Variants in RSF1 observed in about 807,000 individuals in gnomAD.
RSF1 encodes remodeling and spacing factor 1, also known as HBV pX-associated protein 8.
RSF1 carries 13 observed loss-of-function variants against 145.2 expected under a neutral mutation model. The observed-to-expected ratio is 0.09, with a 90% CI of 0.06 to 0.14. The LOEUF (loss-of-function observed/expected upper bound fraction) is 0.14. RSF1 is among the 10% of genes least tolerant of loss of function. RSF1 has a pLI of 1.00. For synonymous variants in RSF1, 577 were observed against 592.6 expected (o/e 0.97, Z 0.38); for missense variants, 1,517 against 1,718.2 (o/e 0.88, Z 2.07).
intron 14 of RSF1, among the ~76,000 whole-genome samples, chr11:77,673,975 G>C (rs1959624645): frequency 6.6e-6 from 1 of 152,036 alleles, no homozygotes; most frequent in Admixed American, 6.6e-5. Flanking sequence ...ATGGATCCTG[G>C]GTTAGGAAAA....
At chr11:77,684,253 C>T (rs558165286) in intron 10 of RSF1, among the ~76,000 whole-genome samples, 52 of 152,286 alleles carry the variant, frequency 3.4e-4, no homozygotes, top group Non-Finnish European at 6.8e-4. Flanking sequence ...TACTTATACA[C>T]ATTTTTACAA....
chr11:77,822,246 C>T (rs1948943812), upstream of RSF1, among the ~76,000 whole-genome samples: 1 of 151,726 alleles, frequency 6.6e-6, no homozygotes, highest in African/African-American at 2.4e-5. Context: ...TCCAGACCAG[C>T]CTGGGCAACA....
intron 10 of RSF1, among the ~76,000 whole-genome samples, chr11:77,684,245 C>G (rs1394939265): frequency 6.6e-6 from 1 of 152,166 alleles, no homozygotes; most frequent in Non-Finnish European, 1.5e-5. Flanking sequence ...AATGAAATTA[C>G]TTATACACAT....
chr11:77,788,534 G>A (rs971686997), intron 1 of RSF1, among the ~76,000 whole-genome samples: 5 of 144,868 alleles, frequency 3.5e-5, no homozygotes, highest in African/African-American at 5.0e-5. Context: ...ACTTAAAAAT[G>A]TAACAATGAA....
At chr11:77,789,903 C>A (rs537621081) in intron 1 of RSF1, among the ~76,000 whole-genome samples, 1 of 152,180 alleles carries the variant, frequency 6.6e-6, no homozygotes, top group South Asian at 2.1e-4. Flanking sequence ...CCTGTCTACC[C>A]GCAGCTGCCA....
At chr11:77,772,647 A>G (rs2135946379) in intron 1 of RSF1, among the ~76,000 whole-genome samples, 1 of 152,298 alleles carries the variant, frequency 6.6e-6, no homozygotes, top group Non-Finnish European at 1.5e-5. Flanking sequence ...TGAAGGAATT[A>G]CACGAGATGA....
chr11:77,690,228 T>G (rs907993517), intron 9 of RSF1, among the ~76,000 whole-genome samples: 1 of 151,896 alleles, frequency 6.6e-6, no homozygotes, highest in African/African-American at 2.4e-5. Flanking sequence ...AATGCTATAT[T>G]GAAAAGAGGG....
chr11:77,843,630 T>TA, the RSF1 span, among the ~76,000 whole-genome samples: 8 of 152,158 alleles, frequency 5.3e-5, no homozygotes, highest in East Asian at 1.2e-3. Context: ...CTGGCTTCTA[T>TA]AAAAAAAATT....
the RSF1 span, among the ~76,000 whole-genome samples, chr11:77,838,151 C>T: frequency 5.3e-5 from 8 of 152,214 alleles, no homozygotes; most frequent in South Asian, 1.7e-3. Flanking sequence ...ACTTTCTAAT[C>T]GTCTTTAGTT....
At chr11:77,826,771 G>A in the RSF1 span, among the ~76,000 whole-genome samples, 2 of 152,096 alleles carry the variant, frequency 1.3e-5, no homozygotes, top group Middle Eastern at 3.2e-3. Context: ...ACTCACTCAA[G>A]AACAACTAGA....
chr11:77,676,950 T>C lies in RSF1; in HGVS notation c.3183A>G (p.Lys1061=). The part of the protein sequence containing the change: ...DISTITGHRG[K]DISTILDEER... ...CTTCATCCAAAATAGTAGAGATGTC[T>C]TTCCCACGATGACCTGTGATGGTGG... Residue 1061 remains lysine (K), a synonymous_variant, in exon 13 of 16, where the codon AAA becomes AAG. Coordinates refer to ENST00000308488, the MANE Select transcript of RSF1 (RefSeq NM_016578.4). 6.2e-7 allele frequency: 1 copy of C among 1,613,654 alleles called. No individual in the cohort carries two copies. Among genetic ancestry groups the C allele is most frequent in the Non-Finnish European group, 8.5e-7 (1 of 1,179,724 alleles).
At chr11:77,690,343 C>T (rs1457103780) in intron 9 of RSF1, among the ~76,000 whole-genome samples, 1 of 152,074 alleles carries the variant, frequency 6.6e-6, no homozygotes, top group Admixed American at 6.6e-5. Context: ...GAATTACAGA[C>T]CAGTTCTTAT....
At position 77,667,105 on chromosome 11, in the gene RSF1, T is replaced by C. The variant is rs1355932293; in HGVS notation, c.4138A>G (p.Ile1380Val). The change falls in exon 16 of 16, where the codon ATT becomes GTT. Residue 1380 changes from isoleucine (I) to valine (V), a missense_variant. By Grantham distance (29) the Ile-to-Val change is conservative (BLOSUM62 3). This residue lies in a region of RSF1 where 240 missense variants were observed against 231.8 expected (regional missense o/e 1.04). Coordinates refer to ENST00000308488, the MANE Select transcript of RSF1 (RefSeq NM_016578.4). Reference protein sequence around the residue: ...STNGQSPGKAIENLIGKPTEK... With the variant: ...STNGQSPGKAVENLIGKPTEK... The stretch of plus-strand genomic sequence containing the variant: ...GTAGGCTTGCCAATCAAGTTCTCAA[T>C]GGCTTTGCCAGGGCTCTGTCCATTG... 5 of 1,614,218 alleles carry C rather than the reference T, an allele frequency of 3.1e-6. No homozygotes were observed. Among genetic ancestry groups the C allele is most frequent in the East Asian group, 2.2e-5 (1 of 44,872 alleles).
the RSF1 span, among the ~76,000 whole-genome samples, chr11:77,858,194 A>ATT: frequency 4.6e-5 from 6 of 130,808 alleles, no homozygotes; most frequent in Admixed American, 4.7e-4. Flanking sequence ...AATATATATA[A>ATT]TTTTTTTTTT....
the RSF1 span, chr11:77,851,406 G>GAGCTGTTCCT: frequency 1.3e-5 from 2 of 152,216 alleles, no homozygotes; most frequent in Non-Finnish European, 2.9e-5. Flanking sequence ...AAAGATTGAT[G>GAGCTGTTCCT]AGCTGTTCCT....
the RSF1 span, among the ~76,000 whole-genome samples, chr11:77,857,983 C>T: frequency 6.6e-6 from 1 of 152,074 alleles, no homozygotes; most frequent in African/African-American, 2.4e-5. Flanking sequence ...CGTGAGCCAA[C>T]GTGCCCGGCC....
At chr11:77,860,472 C>T in the RSF1 span, among the ~76,000 whole-genome samples, 1 of 152,182 alleles carries the variant, frequency 6.6e-6, no homozygotes, top group South Asian at 2.1e-4. Flanking sequence ...GTGAGCAGAG[C>T]TGAGCGTTTG....
At chr11:77,671,983 CT>C in intron 15 of RSF1, 58 bp downstream of exon 15, 2 of 1,416,334 alleles carry the variant, frequency 1.4e-6, no homozygotes, top group Non-Finnish European at 1.9e-6. Context: ...CCTGAGTTCA[CT>C]TTATAATGTC....
upstream of RSF1, among the ~76,000 whole-genome samples, chr11:77,823,214 C>CA (rs746182266): frequency 0.76 from 70,635 of 92,420 alleles, 27,993 homozygotes; most frequent in Middle Eastern, 0.84. Context: ...GACTCCGTCT[C>CA]AAAAAAAAAA....
Sources: gnomAD v4.1 joint callset for allele counts (sites outside exome capture counted in the v4.1 genomes callset) on GRCh38, gnomAD v4.1.1 for gene constraint, gnomAD v4.1.1 regional missense constraint, MANE v1.5 for transcripts, NCBI Gene and HGNC (gene_info 2026-07-23, HGNC 2026-07-21) for gene names.